SORCS2: variants seen among roughly 807,000 people sequenced by gnomAD.
SORCS2 encodes VPS10 domain-containing receptor SorCS2.
A neutral mutation model predicts 141.6 loss-of-function variants in SORCS2; 100 were observed. The ratio of observed to expected loss-of-function variants is 0.71; its 90% CI spans 0.60 to 0.83. SORCS2 has a LOEUF of 0.83. SORCS2 is among the 40% of genes least tolerant of loss of function. The pLI is 0.00. For synonymous variants in SORCS2, 789 were observed against 676.9 expected (o/e 1.17, Z -2.57); for missense variants, 1,646 against 1,560.2 (o/e 1.05, Z -0.93).
chr4:7,578,998 C>G (rs556254641), intron 3 of SORCS2, among the ~76,000 whole-genome samples: 1 of 152,172 alleles, frequency 6.6e-6, no homozygotes, highest in Admixed American at 6.5e-5. Context: ...CAAGTCTGTG[C>G]ATCTCACAGA....
chr4:7,724,351 G>T (rs118142304), intron 19 of SORCS2, among the ~76,000 whole-genome samples: 3,531 of 147,328 alleles, frequency 0.024, 96 homozygotes, highest in East Asian at 0.12. Flanking sequence ...GATGGTAACA[G>T]TAGTGGTAGT....
intron 1 of SORCS2, among the ~76,000 whole-genome samples, chr4:7,387,925 C>T (rs1294312907): frequency 2.8e-5 from 2 of 72,402 alleles, no homozygotes; most frequent in Admixed American, 1.3e-4. Flanking sequence ...CACACACCCA[C>T]ATGCACACAC....
At chr4:7,247,993 G>C (rs1222918821) in intron 1 of SORCS2, among the ~76,000 whole-genome samples, 2 of 152,226 alleles carry the variant, frequency 1.3e-5, no homozygotes. Flanking sequence ...CTGGGGAAGG[G>C]ACAGCCCTGG....
intron 2 of SORCS2, among the ~76,000 whole-genome samples, chr4:7,494,014 C>T (rs1354629450): frequency 7.1e-6 from 1 of 140,494 alleles, no homozygotes; most frequent in African/African-American, 2.7e-5. Context: ...AACACACACA[C>T]ACATTCACAC....
intron 1 of SORCS2, among the ~76,000 whole-genome samples, chr4:7,293,691 A>G (rs1403343939): frequency 2.0e-5 from 3 of 152,206 alleles, no homozygotes; most frequent in Admixed American, 6.5e-5. Context: ...GACACAGTCA[A>G]TGCCTTGGAT....
intron 3 of SORCS2, among the ~76,000 whole-genome samples, chr4:7,591,272 G>T (rs750712852): frequency 7.2e-5 from 11 of 152,034 alleles, no homozygotes; most frequent in Non-Finnish European, 1.2e-4. Context: ...TCCTAACAAG[G>T]TGTCTCACCT....
chr4:7,291,090 G>A (rs944500116), intron 1 of SORCS2, among the ~76,000 whole-genome samples: 3 of 152,142 alleles, frequency 2.0e-5, no homozygotes, highest in Non-Finnish European at 4.4e-5. Context: ...GAGCAGGGGG[G>A]ACAGCATGTG....
At chr4:7,400,495 C>T (rs1724506752) in intron 2 of SORCS2, among the ~76,000 whole-genome samples, 1 of 151,160 alleles carries the variant, frequency 6.6e-6, no homozygotes, top group Non-Finnish European at 1.5e-5. Context: ...ACCACTAGAA[C>T]ATAGGCTGGT....
intron 2 of SORCS2, among the ~76,000 whole-genome samples, chr4:7,402,621 G>A (rs34840766): frequency 0.13 from 19,672 of 152,154 alleles, 1,519 homozygotes; most frequent in Non-Finnish European, 0.18. Context: ...CTGTGAACAC[G>A]TCTCCAGTCA....
At chr4:7,434,046 C>T in intron 2 of SORCS2, 6 of 1,611,212 alleles carry the variant, frequency 3.7e-6, no homozygotes, top group Non-Finnish European at 5.1e-6. Flanking sequence ...TCCTTGGCAA[C>T]CCCAGCTCCA....
chr4:7,370,190 G>C (rs557161424), intron 1 of SORCS2, among the ~76,000 whole-genome samples: 23 of 152,308 alleles, frequency 1.5e-4, no homozygotes, highest in African/African-American at 5.5e-4. Flanking sequence ...TGCCCAGAGA[G>C]GGCATAACCA....
At chr4:7,681,703 TCCC>T (rs1229044470) in intron 9 of SORCS2, among the ~76,000 whole-genome samples, 12 of 152,204 alleles carry the variant, frequency 7.9e-5, no homozygotes, top group Admixed American at 1.3e-4. Context: ...GCTGTTGTTC[TCCC>T]CATAAGGACC....
chr4:7,192,797 C>A lies in SORCS2; in HGVS notation c.151C>A (p.Arg51Ser). The A allele has an allele frequency of 9.8e-7, 1 of 1,018,874 alleles. No homozygotes were observed. The highest frequency in any genetic ancestry group is 1.2e-6 in the Non-Finnish European group (1 of 853,794). 63.1% of individuals were successfully genotyped at this position (1,018,874 alleles called of 1,614,324 possible). The stretch of plus-strand genomic sequence containing the variant: ...GCTGGGCGCCTGCGGGGCGGCGGGG[C>A]GCTCCCCTGAGCCCGGGCGCCTGGG... ...LLLGACGAAG[R>S]SPEPGRLGPH... The change falls in exon 1 of 27, where the codon CGC becomes AGC. Residue 51 changes from arginine (R) to serine (S), a missense_variant. Transcript: ENST00000507866. The surrounding 1 kb of genome is among the most constrained non-coding windows in gnomAD (Gnocchi z 4.0).
At chr4:7,264,846 A>G (rs965880763) in intron 1 of SORCS2, among the ~76,000 whole-genome samples, 7 of 152,138 alleles carry the variant, frequency 4.6e-5, no homozygotes, top group Non-Finnish European at 1.0e-4. Flanking sequence ...TGCTGGCTGG[A>G]GCCAGAGGCC....
In SORCS2 at chr4:7,558,507, A is replaced by G. The variant is rs565642861; in HGVS notation, c.648+26878A>G. Among the ~76,000 whole-genome samples, 15 of 152,336 alleles carry G rather than the reference A, an allele frequency of 9.8e-5. No individual in the cohort carries two copies. In the South Asian group the frequency reaches 3.1e-3, roughly 32 times the overall value. On this transcript the variant is annotated intron_variant, in intron 3 of 26. Transcript: ENST00000507866. ...GGCCCCACTCTCCTGTAACAGGGGA[A>G]GAACCTGGCTTGGGTCATAACTACA...
At chr4:7,510,306 G>A (rs1422496497) in intron 2 of SORCS2, among the ~76,000 whole-genome samples, 1 of 152,214 alleles carries the variant, frequency 6.6e-6, no homozygotes, top group Admixed American at 6.5e-5. Flanking sequence ...CCCCGATTCG[G>A]GGTGAGCGCC....
chr4:7,474,693 C>T (rs575410486), intron 2 of SORCS2, among the ~76,000 whole-genome samples: 6 of 152,120 alleles, frequency 3.9e-5, no homozygotes, highest in Non-Finnish European at 7.4e-5. Context: ...TGGGGAGCCT[C>T]GTGGAGCGAG....
At chr4:7,615,412 G>T (rs1428727988) in intron 3 of SORCS2, among the ~76,000 whole-genome samples, 1 of 152,234 alleles carries the variant, frequency 6.6e-6, no homozygotes, top group African/African-American at 2.4e-5. Flanking sequence ...GTATAAGGGG[G>T]TTAACCATTC....
At position 7,416,827 on chromosome 4, in the gene SORCS2, AAC is replaced by A. The variant is rs564459655; in HGVS notation, c.548+20480_548+20481del. Among the ~76,000 whole-genome samples the A allele has an allele frequency of 4.7e-3, 701 of 148,068 alleles. 3 individuals carry two copies. The highest frequency in any genetic ancestry group is 0.016 in the African/African-American group (653 of 39,972). ...ACATGCATGCATGTACACACTTGTG[AAC>A]ACACACAAACATGCATGCATGCACA... is the stretch of plus-strand genomic sequence containing the variant. On this transcript the variant is annotated intron_variant, in intron 2 of 26. Coordinates refer to ENST00000507866, the MANE Select transcript of SORCS2 (RefSeq NM_020777.3).
Sources: gnomAD v4.1 joint callset for allele counts (sites outside exome capture counted in the v4.1 genomes callset) on GRCh38, gnomAD v4.1.1 for gene constraint, Gnocchi (gnomAD v3.1) non-coding constraint, MANE v1.5 for transcripts, NCBI Gene and HGNC (gene_info 2026-07-23, HGNC 2026-07-21) for gene names.